Variants in CNTN3 observed in about 807,000 individuals in gnomAD.
The protein encoded by CNTN3 is contactin 3, also known as contactin-3.
In CNTN3, 60 loss-of-function variants were observed where a neutral mutation model predicts 119.1. The observed-to-expected ratio is 0.50, with a 90% CI of 0.41 to 0.62. The LOEUF is 0.62. CNTN3 is among the 20% of genes least tolerant of loss of function. The pLI, the probability that CNTN3 is intolerant of heterozygous loss-of-function variation, is 0.00. For missense variants in CNTN3, 1,101 were observed against 1,242.4 expected (o/e 0.89, Z 1.71); for synonymous variants, 450 against 438.7 (o/e 1.03, Z -0.32).
At chr3:74,611,730 G>T (rs1166783580) in intron 1 of CNTN3, among the ~76,000 whole-genome samples, 1 of 152,074 alleles carries the variant, frequency 6.6e-6, no homozygotes, top group African/African-American at 2.4e-5. Context: ...AATTATATAT[G>T]CATGTTAAAA....
intron 11 of CNTN3, among the ~76,000 whole-genome samples, chr3:74,355,695 T>C (rs1236455544): frequency 2.0e-5 from 3 of 152,042 alleles, no homozygotes; most frequent in Non-Finnish European, 4.4e-5. Flanking sequence ...CCTCAAATGA[T>C]CGACGTGCCT....
intron 13 of CNTN3, among the ~76,000 whole-genome samples, chr3:74,307,240 TA>T (rs1358444809): frequency 6.6e-6 from 1 of 152,094 alleles, no homozygotes; most frequent in Non-Finnish European, 1.5e-5. Context: ...CCCCAGAAAA[TA>T]AAAAGTTCAC....
At chr3:74,507,709 G>A (rs995301685) in intron 2 of CNTN3, among the ~76,000 whole-genome samples, 1 of 141,844 alleles carries the variant, frequency 7.1e-6, no homozygotes, top group Admixed American at 7.6e-5. Flanking sequence ...TTGACTCACT[G>A]CAACCTCTGC....
chr3:74,324,069 T>A (rs1027356894), intron 13 of CNTN3, among the ~76,000 whole-genome samples: 2 of 152,196 alleles, frequency 1.3e-5, no homozygotes, highest in Non-Finnish European at 2.9e-5. Context: ...TACACAAATA[T>A]ACTCACATGT....
chr3:74,577,370 G>A (rs1234961736), intron 1 of CNTN3, among the ~76,000 whole-genome samples: 1 of 152,032 alleles, frequency 6.6e-6, no homozygotes, highest in Non-Finnish European at 1.5e-5. Flanking sequence ...AATATATCTT[G>A]GTTCATTCCA....
intron 3 of CNTN3, among the ~76,000 whole-genome samples, chr3:74,488,027 A>T (rs567852796): frequency 6.7e-6 from 1 of 149,196 alleles, no homozygotes; most frequent in Admixed American, 6.7e-5. Context: ...ATTATACTGT[A>T]TAATTATATA....
At position 74,480,713 on chromosome 3, in the gene CNTN3, T is replaced by C. The variant is rs570135284; in HGVS notation, c.358+5743A>G. ...CTGATCTAGAAGATAAACGAAACAT[T>C]AGCACTAATGTCTAATTCACAGGGT... On this transcript the variant is annotated intron_variant, in intron 4 of 22. Coordinates refer to ENST00000263665, the MANE Select transcript of CNTN3 (RefSeq NM_020872.3). Among the ~76,000 whole-genome samples, 26 of 152,142 alleles carry C rather than the reference T, an allele frequency of 1.7e-4. No homozygotes were observed. In the South Asian group the frequency reaches 5.4e-3, roughly 32 times the overall value.
chr3:74,570,539 A>G (rs987541441), intron 1 of CNTN3, among the ~76,000 whole-genome samples: 2 of 65,550 alleles, frequency 3.1e-5, no homozygotes, highest in Admixed American at 2.9e-4. Context: ...AGTGTCTTCT[A>G]AGGACAAAAA....
intron 19 of CNTN3, among the ~76,000 whole-genome samples, chr3:74,290,673 G>T (rs879121630): frequency 6.6e-6 from 1 of 152,120 alleles, no homozygotes; most frequent in Non-Finnish European, 1.5e-5. Context: ...TCTGAGGACT[G>T]CCATATGTGT....
At chr3:74,372,978 T>C (rs1264850191) in intron 5 of CNTN3, among the ~76,000 whole-genome samples, 3 of 152,214 alleles carry the variant, frequency 2.0e-5, no homozygotes, top group Non-Finnish European at 2.9e-5. Flanking sequence ...AAATGCTTGA[T>C]GTTTCCAAAA....
At chr3:74,600,853 C>T (rs1424703485) in intron 1 of CNTN3, among the ~76,000 whole-genome samples, 1 of 152,046 alleles carries the variant, frequency 6.6e-6, no homozygotes, top group African/African-American at 2.4e-5. Context: ...TGACTTCCAA[C>T]TCTCCAAATC....
rs1266528269 is a variant in CNTN3, at chr3:74,424,886, T to C, written c.413A>G (p.Gln138Arg). Residue 138 changes from glutamine to arginine, a missense_variant, in exon 5 of 23, where the codon CAG becomes CGG. Physicochemically the swap from Gln to Arg is conservative, Grantham distance 43 (BLOSUM62 1). Transcript: ENST00000263665. ...GGGGCCGCAGAGCAGCACAACTCCC[T>C]GGCCTTCACGCACAGACACTGTACT... The part of the protein sequence containing the change: ...MRSTVSVREG[Q>R]GVVLLCGPPP... 1 of 1,613,766 alleles carries C rather than the reference T, an allele frequency of 6.2e-7. No individual in the cohort carries two copies. The highest frequency in any genetic ancestry group is 1.7e-4 in the Middle Eastern group (1 of 6,058).
chr3:74,295,315 T>C, intron 18 of CNTN3, 79 bp from the exon 19 acceptor site: 1 of 748,734 alleles, frequency 1.3e-6, no homozygotes, highest in Middle Eastern at 2.4e-4. Context: ...CTTATTTTTA[T>C]AAAAGCATTT....
At chr3:74,412,391 T>G (rs1701454739) in intron 5 of CNTN3, among the ~76,000 whole-genome samples, 1 of 152,198 alleles carries the variant, frequency 6.6e-6, no homozygotes, top group Non-Finnish European at 1.5e-5. Flanking sequence ...GAAAACTATT[T>G]CCAGGACTGA....
intron 20 of CNTN3, among the ~76,000 whole-genome samples, chr3:74,276,005 A>C (rs1353792992): frequency 6.6e-6 from 1 of 152,186 alleles, no homozygotes; most frequent in Non-Finnish European, 1.5e-5. Flanking sequence ...TCTTATATCA[A>C]ACAAAACAAA....
In CNTN3 at chr3:74,334,882, A is replaced by C. The variant is rs775653534; in HGVS notation, c.1521T>G (p.Ser507=). 1.9e-5 allele frequency: 30 copies of C among 1,612,712 alleles called. No homozygotes were observed. The highest frequency in any genetic ancestry group is 8.0e-5 in the African/African-American group (6 of 74,882). The change falls in exon 13 of 23, where the codon TCT becomes TCG. Residue 507 remains serine, a synonymous_variant. Coordinates refer to ENST00000263665, the MANE Select transcript of CNTN3 (RefSeq NM_020872.3). ...TTTCACCAACAGAAACATCCATGTTAGATGGTGCCAAAGTTATTCTTGTTG... is the reference window on the plus strand; with the variant it reads ...TTTCACCAACAGAAACATCCATGTTCGATGGTGCCAAAGTTATTCTTGTTG... ...TEPTRITLAP[S]NMDVSVGESV...
chr3:74,305,704 A>G (rs1702549202), intron 13 of CNTN3, among the ~76,000 whole-genome samples: 1 of 151,070 alleles, frequency 6.6e-6, no homozygotes, highest in African/African-American at 2.4e-5. Flanking sequence ...CTTTGGAGGT[A>G]TGGTAGTTTT....
chr3:74,498,587 T>C (rs1389065657), intron 3 of CNTN3, among the ~76,000 whole-genome samples: 2 of 151,772 alleles, frequency 1.3e-5, no homozygotes, highest in Non-Finnish European at 2.9e-5. Flanking sequence ...GATGCAAAAA[T>C]ACAAAACCTA....
chr3:74,327,964 G>A (rs1354881159), intron 13 of CNTN3, among the ~76,000 whole-genome samples: 2 of 150,490 alleles, frequency 1.3e-5, no homozygotes, highest in African/African-American at 4.9e-5. Context: ...ATTCTTCATT[G>A]GTATATTCTG....
Sources: gnomAD v4.1 joint callset for allele counts (sites outside exome capture counted in the v4.1 genomes callset) on GRCh38, gnomAD v4.1.1 for gene constraint, MANE v1.5 for transcripts, NCBI Gene and HGNC (gene_info 2026-07-23, HGNC 2026-07-21) for gene names.